The following PANK2 variants were observed in gnomAD, a reference collection of about 807,000 sequenced individuals.
The protein encoded by PANK2 is pantothenate kinase 2, mitochondrial.
PANK2 carries 36 observed loss-of-function variants against 43.1 expected under a neutral mutation model. That is an observed-to-expected ratio of 0.84 (90% CI 0.64 to 1.10). The LOEUF (loss-of-function observed/expected upper bound fraction) is 1.10. Among genes scored for constraint, PANK2 ranks in the 50% least tolerant of loss-of-function variants. The probability of loss-of-function intolerance (pLI) is 0.00; values close to 1 mark genes in which losing one functional copy is unlikely to be tolerated. For synonymous variants in PANK2, 281 were observed against 238.2 expected (o/e 1.18, Z -1.66); for missense variants, 576 against 593.3 (o/e 0.97, Z 0.30).
Position 3,929,435 on chromosome 20 carries a change from G to A in PANK2, c.*6141G>A, listed in dbSNP as rs530772571. On this transcript the variant is annotated 3_prime_UTR_variant, in exon 7 of 7. Coordinates refer to ENST00000610179, the MANE Select transcript of PANK2 (RefSeq NM_001386393.1). The stretch of plus-strand genomic sequence containing the variant: ...TGGGAGGGAAAGGGAGTAGCTCCAT[G>A]AACTGACGCTGGACATTCAGGCATA... 4.1e-4 allele frequency: 63 copies of A among 152,394 alleles called. No individual in the cohort carries two copies. The highest frequency in any genetic ancestry group is 1.5e-3 in the African/African-American group (61 of 41,574). The allele number at this position is 152,394 out of a possible 1,614,324, so 9.4% of individuals were successfully genotyped here.
chr20:3,905,470 C>T (rs2090370464), intron 1 of PANK2, among the ~76,000 whole-genome samples: 1 of 151,536 alleles, frequency 6.6e-6, no homozygotes, highest in South Asian at 2.1e-4. Flanking sequence ...CCTCAGCCTG[C>T]TGAGTAGCTG....
intron 4 of PANK2, among the ~76,000 whole-genome samples, chr20:3,915,270 C>CAT (rs201403441): frequency 0.014 from 2,066 of 151,546 alleles, 33 homozygotes; most frequent in African/African-American, 0.046. Context: ...AGTTTTAGCT[C>CAT]ATATATATAT....
At position 3,913,751 on chromosome 20, in the gene PANK2, T is replaced by C. The variant is rs1001223619; in HGVS notation, c.1082+1117T>C. 2.7e-5 allele frequency among the ~76,000 whole-genome samples: 4 copies of C among 147,262 alleles called. 1 individual carries two copies. Among genetic ancestry groups the C allele is most frequent in the Non-Finnish European group, 6.0e-5 (4 of 67,078 alleles). On this transcript the variant is annotated intron_variant, in intron 4 of 6. Coordinates refer to ENST00000610179, the MANE Select transcript of PANK2 (RefSeq NM_001386393.1). ...TGTTGAACATTTATATGTAAGTCTT[T>C]GTATGTATGCACACACACACACACA...
At chr20:3,896,835 T>C (rs1231823471) in intron 1 of PANK2, among the ~76,000 whole-genome samples, 1 of 152,198 alleles carries the variant, frequency 6.6e-6, no homozygotes, top group Non-Finnish European at 1.5e-5. Flanking sequence ...GAAATATCTT[T>C]ATAATAAACC....
At chr20:3,893,270 A>G (rs1456279412) in intron 1 of PANK2, among the ~76,000 whole-genome samples, 1 of 152,034 alleles carries the variant, frequency 6.6e-6, no homozygotes, top group Non-Finnish European at 1.5e-5. Context: ...CTTGGTCCAC[A>G]TTTTGGGGTG....
intron 1 of PANK2, among the ~76,000 whole-genome samples, chr20:3,890,424 C>T (rs935305843): frequency 6.6e-6 from 1 of 152,204 alleles, no homozygotes; most frequent in Non-Finnish European, 1.5e-5. Context: ...GCATACGCTC[C>T]TCCCAGAGAA....
intron 1 of PANK2, among the ~76,000 whole-genome samples, chr20:3,892,445 T>C (rs1353969350): frequency 6.6e-6 from 1 of 151,972 alleles, no homozygotes; most frequent in Admixed American, 6.6e-5. Context: ...ACTAAATCTT[T>C]TTTATTTATT....
chr20:3,901,765 T>C (rs994178915), intron 1 of PANK2: 36 of 269,282 alleles, frequency 1.3e-4, no homozygotes, highest in African/African-American at 8.2e-4. Context: ...TTAGAGAAGG[T>C]CTTTGAAAAG....
chr20:3,915,281 ATG>A (rs1555789256), intron 4 of PANK2, among the ~76,000 whole-genome samples: 1 of 151,612 alleles, frequency 6.6e-6, no homozygotes, highest in African/African-American at 2.4e-5. Flanking sequence ...ATATATATAT[ATG>A]TGTGTGTGTG....
chr20:3,889,266 A>G (rs890110877), upstream of PANK2: 9 of 1,612,090 alleles, frequency 5.6e-6, no homozygotes, highest in Non-Finnish European at 5.9e-6. Flanking sequence ...AGGCACGGTC[A>G]ATCCTCCTCG....
intron 4 of PANK2, among the ~76,000 whole-genome samples, chr20:3,913,771 C>T (rs974062034): frequency 2.2e-5 from 2 of 91,940 alleles, no homozygotes; most frequent in Non-Finnish European, 4.6e-5. Flanking sequence ...CACACACACA[C>T]ACACATATAT....
chr20:3,919,671 G>A (rs1389911363), intron 6 of PANK2, among the ~76,000 whole-genome samples: 1 of 152,228 alleles, frequency 6.6e-6, no homozygotes, highest in African/African-American at 2.4e-5. Flanking sequence ...AGAAGCAGAG[G>A]TATGGAAAGG....
At chr20:3,895,299 AAAT>A (rs1325122504) in intron 1 of PANK2, among the ~76,000 whole-genome samples, 5 of 151,464 alleles carry the variant, frequency 3.3e-5, no homozygotes, top group Non-Finnish European at 7.4e-5. Context: ...ATAAATAAAT[AAAT>A]AATAATAAAC....
chr20:3,922,771 C>T (rs1248611913), intron 6 of PANK2, among the ~76,000 whole-genome samples: 1 of 152,168 alleles, frequency 6.6e-6, no homozygotes, highest in Non-Finnish European at 1.5e-5. Flanking sequence ...CTTACTCTCC[C>T]TCCCTCTCCC....
chr20:3,912,031 A>AT (rs1415854593), intron 3 of PANK2, among the ~76,000 whole-genome samples: 1 of 152,156 alleles, frequency 6.6e-6, no homozygotes, highest in Admixed American at 6.5e-5. Flanking sequence ...TAGAGGAGTA[A>AT]TTTTTTTGTG....
chr20:3,917,475 C>T (rs2090580989), intron 5 of PANK2: 1 of 534,674 alleles, frequency 1.9e-6, no homozygotes, highest in Admixed American at 1.9e-5. Flanking sequence ...GGCTCCCCCA[C>T]CTCAGCAGAG....
rs1431986418 is a variant in PANK2, at chr20:3,928,007, T to C, written c.*4713T>C. The C allele has an allele frequency of 6.6e-6, 1 of 152,202 alleles. No individual in the cohort carries two copies. Among genetic ancestry groups the C allele is most frequent in the African/African-American group, 2.4e-5 (1 of 41,442 alleles). 9.4% of individuals were successfully genotyped at this position (152,202 alleles called of 1,614,324 possible). A position where few individuals can be genotyped will look rare whatever the true frequency, so the allele number is the denominator to read the frequency against. Reference sequence around the variant, plus strand: ...TTTACTACACAAGCCCCTCTTTTTCTTCTGATATCCCCACTCAAATGGAAG... The same window carrying C: ...TTTACTACACAAGCCCCTCTTTTTCCTCTGATATCCCCACTCAAATGGAAG... On this transcript the variant is annotated 3_prime_UTR_variant, in exon 7 of 7. Transcript: ENST00000610179.
chr20:3,910,506 G>C, intron 2 of PANK2, 71 bp from the exon 3 acceptor site: 1 of 1,532,746 alleles, frequency 6.5e-7, no homozygotes, highest in South Asian at 1.1e-5. Context: ...TAGTGGGGAT[G>C]CCTTATTGAA....
rs192447013 is a variant in PANK2 at position 3,914,315 on chromosome 20, T to C, written c.1082+1681T>C. On this transcript the variant is annotated intron_variant, in intron 4 of 6. Transcript: ENST00000610179. ...TTAATAGGAGTGAAGTGATATCTTG[T>C]AGCGTTTTTATTTTTTAAGAGGCAG... is the stretch of plus-strand genomic sequence containing the variant. Among the ~76,000 whole-genome samples the C allele has an allele frequency of 9.9e-5, 15 of 152,152 alleles. No homozygotes were observed. The East Asian group carries it at 1.9e-3, about 20-fold the overall frequency.
Sources: allele counts gnomAD v4.1 joint callset (sites outside exome capture counted in the v4.1 genomes callset), GRCh38; gene constraint gnomAD v4.1.1; transcripts MANE v1.5; gene names NCBI Gene and HGNC (gene_info 2026-07-23, HGNC 2026-07-21).